SASH1: variants seen among roughly 807,000 people sequenced by gnomAD.
SASH1 encodes the protein SAM and SH3 domain containing 1, also known as SAM and SH3 domain-containing protein 1.
Under a neutral mutation model 125.2 loss-of-function variants are expected in SASH1, and 44 were observed. The observed-to-expected ratio is 0.35, with a 90% CI of 0.28 to 0.45. The LOEUF (loss-of-function observed/expected upper bound fraction) is 0.45. Among genes scored for constraint, SASH1 ranks in the 20% least tolerant of loss-of-function variants. SASH1 has a pLI of 1.00. For missense variants in SASH1, 1,426 were observed against 1,614.5 expected, an observed-to-expected ratio of 0.88 and a Z score of 2.00; for synonymous variants, 639 against 649.1, an observed-to-expected ratio of 0.98 and a Z score of 0.24.
chr6:148,259,462 T>C, the SASH1 span, among the ~76,000 whole-genome samples: 8 of 152,138 alleles, frequency 5.3e-5, no homozygotes, highest in Non-Finnish European at 8.8e-5. Flanking sequence ...CTCACCAATA[T>C]ACAAAAGTAG....
At chr6:148,246,192 C>T in the SASH1 span, among the ~76,000 whole-genome samples, 2 of 152,084 alleles carry the variant, frequency 1.3e-5, no homozygotes, top group Non-Finnish European at 1.5e-5. Context: ...TGAGAGTTGA[C>T]AGAACAGTGG....
the SASH1 span, among the ~76,000 whole-genome samples, chr6:148,250,277 C>T: frequency 6.6e-6 from 1 of 152,100 alleles, no homozygotes; most frequent in Non-Finnish European, 1.5e-5. Flanking sequence ...CTTTTCCTTC[C>T]TCTTGTTCTG....
intron 1 of SASH1, among the ~76,000 whole-genome samples, chr6:148,348,902 T>A (rs115212983): frequency 2.6e-4 from 39 of 152,372 alleles, no homozygotes; most frequent in African/African-American, 9.1e-4. Flanking sequence ...CACAGGGCAG[T>A]GGGCAGAGCG....
chr6:148,242,826 C>G, the SASH1 span, among the ~76,000 whole-genome samples: 6,155 of 152,080 alleles, frequency 0.04, 193 homozygotes, highest in East Asian at 0.15. Context: ...TGAACTAGCC[C>G]AAGCCAAAAA....
intron 4 of SASH1, among the ~76,000 whole-genome samples, chr6:148,467,186 T>A (rs561944993): frequency 7.1e-6 from 1 of 140,734 alleles, no homozygotes; most frequent in East Asian, 2.3e-4. Context: ...AACCTCTGCC[T>A]CCCAGATTCA....
chr6:148,498,591 A>G lies in SASH1; in HGVS notation c.729+10876A>G, dbSNP rs183371369. 2.3e-3 allele frequency among the ~76,000 whole-genome samples: 357 copies of G among 152,316 alleles called. 4 individuals carry two copies. The highest frequency in any genetic ancestry group is 8.2e-3 in the African/African-American group (339 of 41,570). ...AACCTTGTGGAACTCGAGATACTAG[A>G]CAGCTTTTGACCTATAAAAGTGGTG... On this transcript the variant is annotated intron_variant, in intron 8 of 19. Coordinates refer to ENST00000367467, the MANE Select transcript of SASH1 (RefSeq NM_015278.5).
chr6:148,520,721 T>A (rs928094252), intron 10 of SASH1, among the ~76,000 whole-genome samples: 11 of 152,142 alleles, frequency 7.2e-5, no homozygotes, highest in African/African-American at 2.7e-4. Context: ...TCACTTGACC[T>A]CAAAGAAGCT....
the SASH1 span, among the ~76,000 whole-genome samples, chr6:148,199,298 G>A: frequency 0.029 from 4,384 of 151,758 alleles, 180 homozygotes; most frequent in African/African-American, 0.1. Flanking sequence ...ACTTGAACCC[G>A]AGAGGCAGAG....
intron 1 of SASH1, among the ~76,000 whole-genome samples, chr6:148,310,166 A>G (rs1158044813): frequency 6.6e-6 from 1 of 152,106 alleles, no homozygotes; most frequent in Non-Finnish European, 1.5e-5. Context: ...TACTAAAAAT[A>G]CAAAAATTAG....
the SASH1 span, among the ~76,000 whole-genome samples, chr6:148,204,381 G>GT: frequency 6.6e-6 from 1 of 152,174 alleles, no homozygotes; most frequent in Non-Finnish European, 1.5e-5. Context: ...TCCCCCAAAA[G>GT]TTGGAGGTTT....
chr6:148,302,428 A>T (rs76719601), intron 1 of SASH1, among the ~76,000 whole-genome samples: 2,683 of 150,878 alleles, frequency 0.018, 74 homozygotes, highest in African/African-American at 0.062. Flanking sequence ...ATTAGAAGGG[A>T]TCTTTGGAAT....
intron 1 of SASH1, among the ~76,000 whole-genome samples, chr6:148,356,947 AT>A (rs1310959129): frequency 6.6e-6 from 1 of 151,976 alleles, no homozygotes; most frequent in Admixed American, 6.6e-5. Context: ...GATGTTGAGC[AT>A]TTTTTTCCTT....
intron 1 of SASH1, among the ~76,000 whole-genome samples, chr6:148,298,773 A>AT (rs1779848640): frequency 7.0e-6 from 1 of 142,044 alleles, no homozygotes; most frequent in Admixed American, 7.0e-5. Context: ...AGAAAGAAAA[A>AT]AGAAAGAACA....
intron 4 of SASH1, among the ~76,000 whole-genome samples, chr6:148,449,410 G>A (rs1190962974): frequency 1.5e-5 from 2 of 135,502 alleles, no homozygotes; most frequent in Non-Finnish European, 3.1e-5. Context: ...TTTCTGAGAC[G>A]TAGTTTCGCT....
chr6:148,212,296 G>A, the SASH1 span, among the ~76,000 whole-genome samples: 2 of 152,220 alleles, frequency 1.3e-5, no homozygotes, highest in African/African-American at 2.4e-5. Flanking sequence ...CACCCAGGAA[G>A]CAGGTACAGC....
chr6:148,241,996 T>A, the SASH1 span, among the ~76,000 whole-genome samples: 1 of 152,250 alleles, frequency 6.6e-6, no homozygotes, highest in Non-Finnish European at 1.5e-5. Flanking sequence ...TACTTTGATC[T>A]TCTTATGATT....
intron 7 of SASH1, among the ~76,000 whole-genome samples, chr6:148,476,020 G>A (rs1778323474): frequency 6.6e-6 from 1 of 151,910 alleles, no homozygotes; most frequent in Admixed American, 6.6e-5. Flanking sequence ...ATAGCAATCA[G>A]GCAAGAGAGA....
intron 8 of SASH1, among the ~76,000 whole-genome samples, chr6:148,500,388 G>A (rs538134642): frequency 4.6e-5 from 7 of 152,090 alleles, no homozygotes; most frequent in East Asian, 1.9e-4. Flanking sequence ...GTGCCGTATC[G>A]TAATTGATGC....
intron 1 of SASH1, among the ~76,000 whole-genome samples, chr6:148,291,525 CA>C (rs1206460787): frequency 6.6e-6 from 1 of 151,900 alleles, no homozygotes; most frequent in East Asian, 1.9e-4. Context: ...TAAAAAAATA[CA>C]AAAAAGATTA....
Sources: allele counts gnomAD v4.1 joint callset (sites outside exome capture counted in the v4.1 genomes callset), GRCh38; gene constraint gnomAD v4.1.1; transcripts MANE v1.5; gene names NCBI Gene and HGNC (gene_info 2026-07-23, HGNC 2026-07-21).